Variants in ERMARD observed in about 807,000 individuals in gnomAD.
ERMARD encodes endoplasmic reticulum membrane-associated RNA degradation protein.
ERMARD carries 71 observed loss-of-function variants against 83.9 expected under a neutral mutation model. The ratio of observed to expected loss-of-function variants is 0.85; its 90% CI spans 0.70 to 1.03. ERMARD has a LOEUF of 1.03. Among genes scored for constraint, ERMARD ranks in the 50% least tolerant of loss-of-function variants. ERMARD has a pLI of 0.00. For missense variants in ERMARD, 838 were observed against 810.9 expected, an observed-to-expected ratio of 1.03 and a Z score of -0.41; for synonymous variants, 284 against 298.6, an observed-to-expected ratio of 0.95 and a Z score of 0.50.
At chr6:169,752,303 C>G (rs1457855963) in intron 1 of ERMARD, among the ~76,000 whole-genome samples, 1 of 152,196 alleles carries the variant, frequency 6.6e-6, no homozygotes, top group Non-Finnish European at 1.5e-5. Flanking sequence ...GTAGCCCTAC[C>G]AGGTGCAGCC....
chr6:169,779,504 T>TC (rs1236386520), intron 17 of ERMARD, among the ~76,000 whole-genome samples: 1 of 102,596 alleles, frequency 9.7e-6, no homozygotes, highest in Non-Finnish European at 2.0e-5. Context: ...TTTTGTTTTG[T>TC]TTTTTTTGGA....
At chr6:169,759,621 C>T (rs1791267133) in intron 6 of ERMARD, among the ~76,000 whole-genome samples, 1 of 152,184 alleles carries the variant, frequency 6.6e-6, no homozygotes, top group Non-Finnish European at 1.5e-5. Flanking sequence ...AGGATTTCAC[C>T]TTGTTGCCCA....
rs1258784217 is a variant in ERMARD at position 169,755,408 on chromosome 6, A to C, written c.301A>C (p.Thr101Pro). The C allele has an allele frequency of 6.2e-7, 1 of 1,614,118 alleles. No individual in the cohort carries two copies. Among genetic ancestry groups the C allele is most frequent in the African/African-American group, 1.3e-5 (1 of 75,046 alleles). ...TCGATATGCACCGTGGTTCCAGTGG[A>C]CAAGTTTTCCAGAGGTTTGGCTTTT... ...EIRYAPWFQW[T>P]SFPELFPEIF... The change falls in exon 3 of 18, where the codon ACA becomes CCA. Residue 101 changes from threonine to proline, a missense_variant. Thr to Pro is a conservative substitution (Grantham distance 38). Coordinates refer to ENST00000366773, the MANE Select transcript of ERMARD (RefSeq NM_018341.3).
At chr6:169,777,484 T>C (rs1268605224) in intron 16 of ERMARD, among the ~76,000 whole-genome samples, 1 of 152,212 alleles carries the variant, frequency 6.6e-6, no homozygotes. Context: ...TTTGGCTTAG[T>C]GAGTTTGGGG....
At chr6:169,762,977 C>G (rs1455444678) in intron 9 of ERMARD, among the ~76,000 whole-genome samples, 1 of 152,180 alleles carries the variant, frequency 6.6e-6, no homozygotes, top group Non-Finnish European at 1.5e-5. Flanking sequence ...AGCCCTGCAG[C>G]AGGTCATGAA....
In ERMARD at chr6:169,759,827, G is replaced by T. The variant is rs1791299803; in HGVS notation, c.606-11G>T. 6.2e-7 allele frequency: 1 copy of T among 1,606,312 alleles called. No homozygotes were observed. The highest frequency in any genetic ancestry group is 1.3e-5 in the African/African-American group (1 of 74,830). On this transcript the variant is annotated splice_polypyrimidine_tract_variant and intron_variant, in intron 6 of 17. Transcript: ENST00000366773. Reference sequence around the variant, plus strand: ...TACATTTTTGTAACAGATCTCTATGGTATTTCCTAGATACTGTTCAATGAT... The same window carrying T: ...TACATTTTTGTAACAGATCTCTATGTTATTTCCTAGATACTGTTCAATGAT...
intron 5 of ERMARD, 89 bp downstream of exon 5, chr6:169,756,897 G>A: frequency 8.2e-7 from 1 of 1,213,834 alleles, no homozygotes; most frequent in Non-Finnish European, 1.2e-6. Context: ...AGAGAAAGAG[G>A]TTTAATTGGA....
At chr6:169,779,111 A>T in intron 16 of ERMARD, 71 bp from the exon 17 acceptor site, 4 of 1,322,152 alleles carry the variant, frequency 3.0e-6, no homozygotes, top group Non-Finnish European at 2.2e-6. Flanking sequence ...TAGGTGAAAC[A>T]TCTTTTTCCT....
intron 2 of ERMARD, among the ~76,000 whole-genome samples, chr6:169,754,649 A>C (rs541332459): frequency 6.6e-6 from 1 of 152,270 alleles, no homozygotes; most frequent in East Asian, 1.9e-4. Context: ...CATATAATGG[A>C]ATATTATGCA....
At chr6:169,763,084 C>T (rs1791758524) in intron 9 of ERMARD, among the ~76,000 whole-genome samples, 1 of 152,198 alleles carries the variant, frequency 6.6e-6, no homozygotes. Context: ...GTCGCCCTGT[C>T]TGAGGCAAGC....
chr6:169,779,369 A>T, intron 17 of ERMARD, 74 bp downstream of exon 17: 1 of 1,321,166 alleles, frequency 7.6e-7, no homozygotes, highest in Non-Finnish European at 1.1e-6. Flanking sequence ...TAGGAGTGAG[A>T]TTGGGGCAGT....
chr6:169,772,345 G>T (rs546760281), intron 12 of ERMARD, among the ~76,000 whole-genome samples: 1 of 152,190 alleles, frequency 6.6e-6, no homozygotes, highest in Non-Finnish European at 1.5e-5. Flanking sequence ...TGTACCTCCC[G>T]TTTTCTGCCC....
intron 1 of ERMARD, among the ~76,000 whole-genome samples, chr6:169,752,697 A>G (rs972955327): frequency 6.6e-6 from 1 of 152,184 alleles, no homozygotes; most frequent in African/African-American, 2.4e-5. Context: ...CCTTAACTCA[A>G]CACACCAAAA....
Position 169,751,625 on chromosome 6 carries a change from A to G in ERMARD, c.-33A>G, listed in dbSNP as rs201754598. Reference sequence around the variant, plus strand: ...GGAGGGGCGCGCAGGCGCCTGCGTCATTCACGCGCGCCGCAGCGGGGCACC... The same window carrying G: ...GGAGGGGCGCGCAGGCGCCTGCGTCGTTCACGCGCGCCGCAGCGGGGCACC... On this transcript the variant is annotated 5_prime_UTR_variant, in exon 1 of 18. Coordinates refer to ENST00000366773, the MANE Select transcript of ERMARD (RefSeq NM_018341.3). 4.6e-4 allele frequency: 731 copies of G among 1,576,568 alleles called. 8 individuals are homozygous for G. The highest frequency in any genetic ancestry group is 7.7e-5 in the Non-Finnish European group (89 of 1,160,910).
intron 12 of ERMARD, 85 bp downstream of exon 12, chr6:169,769,798 TTA>T: frequency 8.0e-7 from 1 of 1,250,276 alleles, no homozygotes; most frequent in Non-Finnish European, 1.1e-6. Context: ...TAATTAACTG[TTA>T]ATCATCTTTT....
chr6:169,763,922 T>A (rs1791869760), intron 9 of ERMARD, among the ~76,000 whole-genome samples: 1 of 152,268 alleles, frequency 6.6e-6, no homozygotes, highest in Non-Finnish European at 1.5e-5. Flanking sequence ...CTGCTTATGT[T>A]CACTAAATAT....
chr6:169,764,257 GT>G lies in ERMARD; in HGVS notation c.960+1738del, dbSNP rs764306520. On this transcript the variant is annotated intron_variant, in intron 9 of 17. Coordinates refer to ENST00000366773, the MANE Select transcript of ERMARD (RefSeq NM_018341.3). The stretch of plus-strand genomic sequence containing the variant: ...TCCTGCTGATTCTTTTTTTTAGTTA[GT>G]TTTTTTTTTTTGGTTTTTTTTTTTG... Among the ~76,000 whole-genome samples, 1,332 of 139,884 alleles carry G rather than the reference GT, an allele frequency of 9.5e-3. 15 individuals carry two copies. The highest frequency in any genetic ancestry group is 0.032 in the African/African-American group (1,211 of 38,184). The allele number at this position is 139,884 out of a possible 152,430, so 91.8% of individuals were successfully genotyped here.
At chr6:169,778,621 T>C (rs1016838908) in intron 16 of ERMARD, among the ~76,000 whole-genome samples, 4 of 152,240 alleles carry the variant, frequency 2.6e-5, no homozygotes, top group African/African-American at 9.6e-5. Context: ...AGAAAGGTGC[T>C]GCTCAATTTA....
chr6:169,773,061 C>G (rs893835901), intron 12 of ERMARD: 5 of 385,954 alleles, frequency 1.3e-5, no homozygotes, highest in Non-Finnish European at 2.3e-5. Flanking sequence ...TCTTATTCAT[C>G]TCCAGTTTTG....
Sources: gnomAD v4.1 joint callset for allele counts (sites outside exome capture counted in the v4.1 genomes callset) on GRCh38, gnomAD v4.1.1 for gene constraint, MANE v1.5 for transcripts, NCBI Gene and HGNC (gene_info 2026-07-23, HGNC 2026-07-21) for gene names.